Variants in SNTG1 observed in about 807,000 individuals in gnomAD.
The protein encoded by SNTG1 is syntrophin gamma 1, also known as gamma-1-syntrophin.
In SNTG1, 39 loss-of-function variants were observed where a neutral mutation model predicts 74.7. The ratio of observed to expected loss-of-function variants is 0.52; its 90% CI spans 0.40 to 0.68. The LOEUF is 0.68. Ranked by LOEUF, SNTG1 falls within the 30% of genes least tolerant of loss-of-function variation. The pLI is 0.00. For synonymous variants in SNTG1, 254 were observed against 217.1 expected (o/e 1.17, Z -1.49); for missense variants, 685 against 609.5 (o/e 1.12, Z -1.30).
At chr8:50,205,892 A>G (rs2084206869) in intron 2 of SNTG1, among the ~76,000 whole-genome samples, 1 of 152,058 alleles carries the variant, frequency 6.6e-6, no homozygotes, top group Non-Finnish European at 1.5e-5. Flanking sequence ...GTGTGGTATT[A>G]TTCCTGAGGG....
At chr8:50,415,117 A>C (rs564088665) in intron 4 of SNTG1, among the ~76,000 whole-genome samples, 1 of 152,190 alleles carries the variant, frequency 6.6e-6, no homozygotes, top group Non-Finnish European at 1.5e-5. Flanking sequence ...AGAAAACAAA[A>C]CTTCTCACCT....
At chr8:50,248,061 T>C (rs1050874250) in intron 2 of SNTG1, among the ~76,000 whole-genome samples, 1 of 152,106 alleles carries the variant, frequency 6.6e-6, no homozygotes, top group African/African-American at 2.4e-5. Context: ...TCTTTCTCTG[T>C]ACCCAAATTT....
At position 50,531,826 on chromosome 8, in the gene SNTG1, G is replaced by T. The variant is rs780554933; in HGVS notation, c.549+1567G>T. ...TCAGAATGGGAGAAAGCTCTTTGGA[G>T]CTGTTTTGTTCTAGGTCTTGCCTCA... On this transcript the variant is annotated intron_variant, in intron 10 of 18. Transcript: ENST00000642720. Among the ~76,000 whole-genome samples the T allele has an allele frequency of 5.3e-5, 8 of 152,290 alleles. 1 individual carries two copies. The South Asian group carries it at 1.7e-3, about 32-fold the overall frequency.
chr8:50,289,699 C>A (rs564828200), intron 2 of SNTG1, among the ~76,000 whole-genome samples: 37 of 152,184 alleles, frequency 2.4e-4, no homozygotes, highest in Admixed American at 5.2e-4. Flanking sequence ...GGACTGATAT[C>A]ATAAATGAAC....
chr8:50,286,138 C>T (rs1251674467), intron 2 of SNTG1, among the ~76,000 whole-genome samples: 2 of 151,980 alleles, frequency 1.3e-5, no homozygotes. Flanking sequence ...CTGTTCTATC[C>T]ATTTTTATGT....
chr8:50,403,317 C>A (rs2092829747), intron 4 of SNTG1, among the ~76,000 whole-genome samples: 1 of 152,200 alleles, frequency 6.6e-6, no homozygotes. Context: ...ACACAAGGCC[C>A]TAAATCAATA....
intron 1 of SNTG1, among the ~76,000 whole-genome samples, chr8:49,928,289 G>A (rs1807229581): frequency 1.3e-5 from 2 of 151,500 alleles, no homozygotes; most frequent in African/African-American, 4.8e-5. Context: ...GTGCAGTGGT[G>A]TGATATCAGC....
chr8:49,915,399 C>T (rs1805938971), intron 1 of SNTG1, among the ~76,000 whole-genome samples: 1 of 152,144 alleles, frequency 6.6e-6, no homozygotes, highest in African/African-American at 2.4e-5. Flanking sequence ...CAGGCACATC[C>T]CTTATACTTA....
In SNTG1 at chr8:50,681,040, TAC is replaced by T; in HGVS notation, c.1038+22378_1038+22379del. 2.0e-5 allele frequency among the ~76,000 whole-genome samples: 3 copies of T among 152,326 alleles called. No homozygotes were observed. The East Asian group carries it at 5.8e-4, about 29-fold the overall frequency. On this transcript the variant is annotated intron_variant, in intron 15 of 18. Coordinates refer to ENST00000642720, the MANE Select transcript of SNTG1 (RefSeq NM_018967.5). ...AATGCTTTCAAGTAAAAAAAAGTCA[TAC>T]TCATCTCAACAAAAGATTAAATGCC...
chr8:50,494,646 A>G (rs2093887986), intron 8 of SNTG1, among the ~76,000 whole-genome samples: 1 of 152,082 alleles, frequency 6.6e-6, no homozygotes, highest in African/African-American at 2.4e-5. Context: ...TGAGGAAATC[A>G]TCTTGGAATT....
At chr8:50,640,379 A>T (rs1022691088) in intron 13 of SNTG1, among the ~76,000 whole-genome samples, 11 of 152,060 alleles carry the variant, frequency 7.2e-5, no homozygotes, top group Admixed American at 3.3e-4. Context: ...TTTTCACCTT[A>T]CTCTGCTAAT....
intron 9 of SNTG1, among the ~76,000 whole-genome samples, chr8:50,503,350 A>G (rs1225352552): frequency 1.3e-5 from 2 of 152,190 alleles, no homozygotes; most frequent in East Asian, 1.9e-4. Flanking sequence ...TTCATGTTCC[A>G]TTTTCTAAAA....
intron 1 of SNTG1, among the ~76,000 whole-genome samples, chr8:50,031,816 GT>G (rs1398296971): frequency 3.7e-4 from 57 of 152,018 alleles, no homozygotes; most frequent in Non-Finnish European, 7.7e-4. Context: ...TGGTACAAGA[GT>G]AATACTGGCT....
At chr8:50,501,740 G>A (rs1202930989) in intron 8 of SNTG1, among the ~76,000 whole-genome samples, 2 of 151,682 alleles carry the variant, frequency 1.3e-5, no homozygotes, top group South Asian at 2.1e-4. Flanking sequence ...TTGCAGGCAT[G>A]AGCCACCATG....
intron 1 of SNTG1, among the ~76,000 whole-genome samples, chr8:50,066,694 T>G (rs1820927544): frequency 6.6e-6 from 1 of 152,194 alleles, no homozygotes; most frequent in Non-Finnish European, 1.5e-5. Context: ...GAAGAATAAA[T>G]AGAAACTATT....
chr8:50,387,843 G>C (rs1020381883), intron 2 of SNTG1, among the ~76,000 whole-genome samples: 7 of 152,118 alleles, frequency 4.6e-5, no homozygotes, highest in African/African-American at 1.4e-4. Context: ...ATCCTCAGGA[G>C]AATCAGCATT....
chr8:50,462,910 A>G (rs1291937597), intron 8 of SNTG1, among the ~76,000 whole-genome samples: 2 of 133,442 alleles, frequency 1.5e-5, no homozygotes, highest in Non-Finnish European at 3.1e-5. Context: ...GCCGCCTCCC[A>G]GGTTCAAGTG....
intron 1 of SNTG1, among the ~76,000 whole-genome samples, chr8:50,076,494 A>G (rs1821905002): frequency 6.6e-6 from 1 of 152,204 alleles, no homozygotes. Flanking sequence ...TGACCACAAA[A>G]TTATATTACC....
intron 1 of SNTG1, among the ~76,000 whole-genome samples, chr8:50,095,811 T>G (rs1435805565): frequency 6.6e-6 from 1 of 152,198 alleles, no homozygotes; most frequent in Non-Finnish European, 1.5e-5. Context: ...AATCTCTCCT[T>G]TGTGGTCAGT....
Sources: gnomAD v4.1 joint callset for allele counts (sites outside exome capture counted in the v4.1 genomes callset) on GRCh38, gnomAD v4.1.1 for gene constraint, MANE v1.5 for transcripts, NCBI Gene and HGNC (gene_info 2026-07-23, HGNC 2026-07-21) for gene names.